ERBB2: variants seen among roughly 807,000 people sequenced by gnomAD.
ERBB2 encodes the protein receptor tyrosine-protein kinase erbB-2.
A neutral mutation model predicts 149.0 loss-of-function variants in ERBB2; 61 were observed. The ratio of observed to expected loss-of-function variants is 0.41; its 90% confidence interval spans 0.33 to 0.51. The LOEUF (loss-of-function observed/expected upper bound fraction) is 0.51. Ranked by LOEUF, ERBB2 falls within the 20% of genes least tolerant of loss-of-function variation. ERBB2 has a pLI of 0.25. For synonymous variants in ERBB2, 633 were observed against 678.8 expected (o/e 0.93, Z 1.05); for missense variants, 1,205 against 1,655.1 (o/e 0.73, Z 4.72).
intron 16 of ERBB2, among the ~76,000 whole-genome samples, chr17:39,721,687 C>T (rs2059461679): frequency 6.6e-6 from 1 of 152,074 alleles, no homozygotes; most frequent in Non-Finnish European, 1.5e-5. Context: ...GAAATTTTGG[C>T]TAGAACATCA....
At chr17:39,717,577 A>G in intron 15 of ERBB2, 97 bp downstream of exon 15, 2 of 1,014,506 alleles carry the variant, frequency 2.0e-6, no homozygotes, top group Non-Finnish European at 2.8e-6. Context: ...TCCCTTTGTC[A>G]TATCTTGTTT....
In ERBB2 at chr17:39,727,696, G is replaced by A; in HGVS notation, c.3420G>A (p.Val1140=). 1 of 1,550,488 alleles carries A rather than the reference G, an allele frequency of 6.4e-7. No homozygotes were observed. ...PLTCSPQPEY[V]NQPDVRPQPP... is the part of the protein sequence containing the mutation. ...CTTCTCTTGACCTTTCAGAATATGT[G>A]AACCAGCCAGATGTTCGGCCCCAGC... is the stretch of plus-strand genomic sequence containing the variant. Residue 1140 remains valine, a synonymous_variant, in exon 27 of 27, where the codon GTG becomes GTA. Transcript: ENST00000269571. This position sits in a 1 kb window ranked among gnomAD's most constrained non-coding sequence, Gnocchi z 4.3.
upstream of ERBB2, among the ~76,000 whole-genome samples, chr17:39,692,400 G>A (rs2057732497): frequency 1.3e-5 from 2 of 151,668 alleles, no homozygotes; most frequent in South Asian, 4.2e-4. Context: ...GGGAAGTAAG[G>A]AACACTTTTT....
intron 20 of ERBB2, 65 bp from the exon 21 acceptor site, chr17:39,724,984 C>T (rs2145858562): frequency 7.5e-6 from 12 of 1,608,668 alleles, no homozygotes; most frequent in Non-Finnish European, 1.0e-5. Flanking sequence ...GATGGGGACT[C>T]TTGCTGGGCA....
rs2059886659 is a variant in ERBB2 at position 39,728,216 on chromosome 17, G to A, written c.*172G>A. The A allele has an allele frequency of 1.8e-6, 1 of 566,310 alleles. No homozygotes were observed. The highest frequency in any genetic ancestry group is 3.1e-6 in the Non-Finnish European group (1 of 319,894). 35.1% of individuals were successfully genotyped at this position (566,310 alleles called of 1,614,324 possible). On this transcript the variant is annotated 3_prime_UTR_variant, in exon 27 of 27. Coordinates refer to ENST00000269571, the MANE Select transcript of ERBB2 (RefSeq NM_004448.4). ...TTCCTGCTTGAGTTCCCAGATGGCT[G>A]GAAGGGGTCCAGCCTCGTTGGAAGA...
intron 14 of ERBB2, chr17:39,717,022 C>A: frequency 2.2e-6 from 1 of 451,456 alleles, no homozygotes; most frequent in East Asian, 3.5e-5. Flanking sequence ...ACGGGAAAGG[C>A]TTTCTACAGA....
intron 1 of ERBB2, among the ~76,000 whole-genome samples, chr17:39,702,659 A>T (rs2058181799): frequency 6.6e-6 from 1 of 152,250 alleles, no homozygotes; most frequent in Non-Finnish European, 1.5e-5. Flanking sequence ...AGCATGTTTA[A>T]TTTTCTCGTG....
At chr17:39,714,683 C>T (rs1210988813) in intron 9 of ERBB2, among the ~76,000 whole-genome samples, 1 of 152,142 alleles carries the variant, frequency 6.6e-6, no homozygotes, top group East Asian at 1.9e-4. Context: ...TCCATTTTCA[C>T]TCTTACAAAC....
chr17:39,719,992 C>T lies in ERBB2; in HGVS notation c.1946+158C>T, dbSNP rs1597879782. 4 of 702,446 alleles carry T rather than the reference C, an allele frequency of 5.7e-6. No homozygotes were observed. In the East Asian group the frequency reaches 1.1e-4, roughly 19 times the overall value. The allele number at this position is 702,446 out of a possible 1,614,324, so 43.5% of individuals were successfully genotyped here. On this transcript the variant is annotated intron_variant, in intron 16 of 26. Transcript: ENST00000269571. ...TGTCATTTTCCACTTCACCAAGTGA[C>T]AGAGGACCTGCTCAGATGCTGAGGG...
chr17:39,700,383 C>T (rs1023427415), intron 1 of ERBB2, 72 bp downstream of exon 1: 92 of 1,206,798 alleles, frequency 7.6e-5, no homozygotes, highest in African/African-American at 6.6e-4. Flanking sequence ...CGAGGTCCCG[C>T]GGCCGGCGGG....
Position 39,726,776 on chromosome 17 carries a change from T to G in ERBB2, c.2971-39T>G, listed in dbSNP as rs534740292. On this transcript the variant is annotated intron_variant, in intron 24 of 26. Coordinates refer to ENST00000269571, the MANE Select transcript of ERBB2 (RefSeq NM_004448.4). This position sits in a 1 kb window ranked among gnomAD's most constrained non-coding sequence, Gnocchi z 5.1. ...CCTCACGGAAGGCTGCATGCTGGGC[T>G]GGGGAGGGGCCACCATCCTGCCTCT... is the stretch of plus-strand genomic sequence containing the variant. 6.9e-5 allele frequency: 111 copies of G among 1,600,320 alleles called. 1 individual carries two copies. In the South Asian group the frequency reaches 1.2e-3, roughly 17 times the overall value.
rs565093175 is a variant in ERBB2, at chr17:39,688,302, C to T, written c.-382+24C>T. The T allele has an allele frequency of 3.9e-5, 12 of 309,578 alleles. No individual in the cohort carries two copies. In the South Asian group the frequency reaches 1.6e-3, roughly 42 times the overall value. 19.2% of individuals were successfully genotyped at this position (309,578 alleles called of 1,614,324 possible). A position where few individuals can be genotyped will look rare whatever the true frequency, so the allele number is the denominator to read the frequency against. ...AGGTAGGGCTGTTTACTGTCACCAC[C>T]CCTGTCGGATTTTACTTCCTAAACG... On this transcript the variant is annotated intron_variant, in intron 1 of 17. Coordinates refer to the ERBB2 transcript ENST00000578199.
chr17:39,694,289 ACACATATATATGTG>A (rs2057806143), upstream of ERBB2, among the ~76,000 whole-genome samples: 1 of 38,818 alleles, frequency 2.6e-5, no homozygotes, highest in African/African-American at 6.7e-5. Context: ...ATATATATAT[ACACATATATATGTG>A]TATATATATA....
chr17:39,693,981 T>C (rs1384312024), upstream of ERBB2, among the ~76,000 whole-genome samples: 1 of 147,574 alleles, frequency 6.8e-6, no homozygotes, highest in Non-Finnish European at 1.5e-5. Flanking sequence ...AGGTCAGGAG[T>C]TTGAGACCAG....
rs2059840147 is a variant in ERBB2, at chr17:39,727,478, G to T, written c.3343G>T (p.Asp1115Tyr). The change falls in exon 26 of 27, where the codon GAC (aspartate) becomes TAC (tyrosine). Residue 1115 changes from aspartate (D) to tyrosine (Y), a missense_variant. Transcript: ENST00000269571. This position sits in a 1 kb window ranked among gnomAD's most constrained non-coding sequence, Gnocchi z 4.3. ...DPSPLQRYSE[D>Y]PTVPLPSETD... is the part of the protein sequence containing the mutation. Reference sequence around the variant, plus strand: ...CAGCCCTCTACAGCGGTACAGTGAGGACCCCACAGTACCCCTGCCCTCTGA... The same window carrying T: ...CAGCCCTCTACAGCGGTACAGTGAGTACCCCACAGTACCCCTGCCCTCTGA... 2 of 1,607,576 alleles carry T rather than the reference G, an allele frequency of 1.2e-6. No homozygotes were observed. Among genetic ancestry groups the T allele is most frequent in the African/African-American group, 1.3e-5 (1 of 74,470 alleles).
At chr17:39,718,738 T>G (rs984114699) in intron 15 of ERBB2, among the ~76,000 whole-genome samples, 6 of 152,130 alleles carry the variant, frequency 3.9e-5, no homozygotes, top group African/African-American at 1.4e-4. Flanking sequence ...TCTACCACCT[T>G]TATTTTTTTT....
chr17:39,717,272 T>TG (rs367731084), intron 14 of ERBB2, 48 bp from the exon 15 acceptor site: 3 of 1,520,360 alleles, frequency 2.0e-6, no homozygotes, highest in African/African-American at 2.7e-5. Flanking sequence ...CCTACTGCCC[T>TG]GGGGGTGTCA....
exon 2 of ERBB2, chr17:39,688,775 A>G (rs2057623179): frequency 6.6e-6 from 1 of 152,010 alleles, no homozygotes. Context: ...TCACCACTCT[A>G]CCTCCAGCAC....
rs2145800416 is a variant in ERBB2, at chr17:39,723,295, C to T, written c.1947-24C>T. On this transcript the variant is annotated intron_variant, in intron 16 of 26. Coordinates refer to ENST00000269571, the MANE Select transcript of ERBB2 (RefSeq NM_004448.4). This position sits in a 1 kb window ranked among gnomAD's most constrained non-coding sequence, Gnocchi z 6.2. ...TCCCACCCCAAACTAGCCCTCAATC[C>T]CTGACCCTGGCTTCCGCCCCCAGCC... 1 of 1,612,852 alleles carries T rather than the reference C, an allele frequency of 6.2e-7. No homozygotes were observed. The highest frequency in any genetic ancestry group is 2.2e-5 in the East Asian group (1 of 44,854).
Sources: allele counts gnomAD v4.1 joint callset (sites outside exome capture counted in the v4.1 genomes callset), GRCh38; gene constraint gnomAD v4.1.1; non-coding constraint Gnocchi (gnomAD v3.1); transcripts MANE v1.5; gene names NCBI Gene and HGNC (gene_info 2026-07-23, HGNC 2026-07-21).